Variants in SCN9A observed in about 807,000 individuals in gnomAD.
The protein encoded by SCN9A is sodium channel protein type 9 subunit alpha.
Under a neutral mutation model 187.0 loss-of-function variants are expected in SCN9A, and 131 were observed. The observed-to-expected ratio is 0.70, with a 90% CI of 0.61 to 0.81. The LOEUF is 0.81. Ranked by LOEUF, SCN9A falls within the 30% of genes least tolerant of loss-of-function variation. The pLI is 0.00. For synonymous variants in SCN9A, 809 were observed against 808.6 expected, an observed-to-expected ratio of 1.00 and a Z score of -0.01; for missense variants, 2,252 against 2,396.6, an observed-to-expected ratio of 0.94 and a Z score of 1.26.
intron 9 of SCN9A, among the ~76,000 whole-genome samples, chr2:166,291,339 A>G (rs1698060286): frequency 6.6e-6 from 1 of 152,162 alleles, no homozygotes; most frequent in Non-Finnish European, 1.5e-5. Flanking sequence ...TGCTATAAAG[A>G]GAATAAAATA....
intron 15 of SCN9A, chr2:166,277,751 T>C (rs1697301803): frequency 9.1e-6 from 2 of 220,176 alleles, no homozygotes; most frequent in East Asian, 9.9e-5. Flanking sequence ...TTTTATATTG[T>C]TAAGATCAGA....
At chr2:166,306,056 T>C in intron 4 of SCN9A, 136 bp from the exon 5 acceptor site, 1 of 910,846 alleles carries the variant, frequency 1.1e-6, no homozygotes, top group Non-Finnish European at 1.7e-6. Flanking sequence ...GGACACACCC[T>C]ATTAAACTAC....
chr2:166,353,204 A>C (rs1331451695), intron 1 of SCN9A, among the ~76,000 whole-genome samples: 1 of 150,656 alleles, frequency 6.6e-6, no homozygotes, highest in Non-Finnish European at 1.5e-5. Context: ...AAATACAAAA[A>C]TAGTGAGTCC....
chr2:166,363,659 CTCT>C (rs1700343163), intron 1 of SCN9A, among the ~76,000 whole-genome samples: 2 of 151,974 alleles, frequency 1.3e-5, no homozygotes, highest in Non-Finnish European at 2.9e-5. Flanking sequence ...GCTGGAAACT[CTCT>C]TAGAGTCTAC....
intron 17 of SCN9A, among the ~76,000 whole-genome samples, chr2:166,265,604 T>C (rs1304185251): frequency 6.6e-6 from 1 of 152,026 alleles, no homozygotes; most frequent in Admixed American, 6.6e-5. Flanking sequence ...CTGGATCATA[T>C]GAAAATTCTA....
chr2:166,241,238 A>G (rs1034427372), intron 19 of SCN9A, among the ~76,000 whole-genome samples: 2 of 152,136 alleles, frequency 1.3e-5, no homozygotes, highest in Admixed American at 6.6e-5. Context: ...TGGTATATCT[A>G]GCTAGATCTG....
rs2106347079 is a variant in SCN9A at position 166,204,411 on chromosome 2, T to G, written c.4452A>C (p.Ala1484=). 1.2e-6 allele frequency: 2 copies of G among 1,608,752 alleles called. No homozygotes were observed. The highest frequency in any genetic ancestry group is 2.7e-5 in the African/African-American group (2 of 74,938). ...GCTTCTTGGACCCCAGCTTTTTCATTGCATTATAGTATTTCTTCTGTTCTT... is the reference window on the plus strand; with the variant it reads ...GCTTCTTGGACCCCAGCTTTTTCATGGCATTATAGTATTTCTTCTGTTCTT... The part of the protein sequence containing the change: ...MTEEQKKYYN[A]MKKLGSKKPQ... The change falls in exon 25 of 27, where the codon GCA becomes GCC. Residue 1484 remains alanine, a synonymous_variant. Coordinates refer to ENST00000642356, the MANE Select transcript of SCN9A (RefSeq NM_001365536.1).
intron 24 of SCN9A, among the ~76,000 whole-genome samples, chr2:166,223,754 T>C (rs1431375085): frequency 1.3e-5 from 2 of 152,130 alleles, no homozygotes; most frequent in Non-Finnish European, 2.9e-5. Flanking sequence ...TAATTAAAAT[T>C]AGGAAAGGCA....
intron 18 of SCN9A, among the ~76,000 whole-genome samples, chr2:166,247,609 T>C (rs929960973): frequency 2.6e-4 from 40 of 152,016 alleles, no homozygotes; most frequent in African/African-American, 9.7e-4. Context: ...CTCTGCCTCC[T>C]GGGTTCAAGC....
chr2:166,236,523 C>A (rs1695326247), intron 20 of SCN9A, among the ~76,000 whole-genome samples: 1 of 152,092 alleles, frequency 6.6e-6, no homozygotes, highest in South Asian at 2.1e-4. Flanking sequence ...CGGGTTCAAG[C>A]GATTCTTCTG....
intron 1 of SCN9A, among the ~76,000 whole-genome samples, chr2:166,372,521 T>C (rs1291472315): frequency 2.6e-5 from 4 of 152,214 alleles, no homozygotes; most frequent in African/African-American, 9.7e-5. Flanking sequence ...TATTAGTTTA[T>C]GCAATCCAAT....
In SCN9A at chr2:166,305,905, T is replaced by C. The variant is rs1211286710; in HGVS notation, c.483A>G (p.Gly161=). The change falls in exon 5 of 27, where the codon GGA becomes GGG. Residue 161 remains glycine, a synonymous_variant. Coordinates refer to ENST00000642356, the MANE Select transcript of SCN9A (RefSeq NM_001365536.1). ...TTACAAGTGATTCAAAAGTATATATTCCAGTAAAAGTGTACCTAAACACAA... is the reference window on the plus strand; with the variant it reads ...TTACAAGTGATTCAAAAGTATATATCCCAGTAAAAGTGTACCTAAACACAA... ...WTKNVEYTFT[G]IYTFESLVKI... The C allele has an allele frequency of 6.2e-7, 1 of 1,612,858 alleles. No homozygotes were observed. The highest frequency in any genetic ancestry group is 8.5e-7 in the Non-Finnish European group (1 of 1,179,392).
chr2:166,324,868 T>C (rs1340786657), intron 1 of SCN9A, among the ~76,000 whole-genome samples: 4 of 152,170 alleles, frequency 2.6e-5, no homozygotes, highest in African/African-American at 9.7e-5. Flanking sequence ...TATGATGGTA[T>C]GATGGTTAAA....
At chr2:166,242,383 G>T in intron 19 of SCN9A, 119 bp downstream of exon 19, 1 of 845,782 alleles carries the variant, frequency 1.2e-6, no homozygotes, top group African/African-American at 1.7e-5. Context: ...TTTGTCATTG[G>T]CACTAATCAT....
At chr2:166,308,796 G>C (rs1256660984) in intron 2 of SCN9A, among the ~76,000 whole-genome samples, 1 of 151,636 alleles carries the variant, frequency 6.6e-6, no homozygotes, top group African/African-American at 2.4e-5. Context: ...TGTGGTGGCG[G>C]GTACCTGTAG....
chr2:166,203,140 T>A (rs10930210), intron 26 of SCN9A, among the ~76,000 whole-genome samples: 135,182 of 151,736 alleles, frequency 0.89, 60,340 homozygotes, highest in East Asian at 0.95. Flanking sequence ...TTTTCCAAAA[T>A]TATTGATTTT....
intron 19 of SCN9A, among the ~76,000 whole-genome samples, chr2:166,238,974 A>G (rs996688351): frequency 3.3e-5 from 5 of 152,204 alleles, no homozygotes; most frequent in Admixed American, 3.3e-4. Flanking sequence ...GGTGAGCTCT[A>G]TCTAATGTAG....
chr2:166,212,873 C>T (rs1694158522), intron 24 of SCN9A, among the ~76,000 whole-genome samples: 2 of 152,022 alleles, frequency 1.3e-5, no homozygotes, highest in Admixed American at 6.6e-5. Context: ...AAACAACACT[C>T]TCTTGAAAAA....
At chr2:166,202,689 G>T (rs1389746164) in intron 26 of SCN9A, among the ~76,000 whole-genome samples, 2 of 151,668 alleles carry the variant, frequency 1.3e-5, no homozygotes, top group Non-Finnish European at 3.0e-5. Context: ...TTCTTCAGAA[G>T]TCTCATATGA....
Sources: gnomAD v4.1 joint callset for allele counts (sites outside exome capture counted in the v4.1 genomes callset) on GRCh38, gnomAD v4.1.1 for gene constraint, MANE v1.5 for transcripts, NCBI Gene and HGNC (gene_info 2026-07-23, HGNC 2026-07-21) for gene names.